Variants in COL5A1 observed in about 807,000 individuals in gnomAD.
The protein encoded by COL5A1 is collagen type V alpha 1 chain.
Under a neutral mutation model 263.7 loss-of-function variants are expected in COL5A1, and 16 were observed. The ratio of observed to expected loss-of-function variants is 0.06; its 90% CI spans 0.04 to 0.09. The LOEUF (loss-of-function observed/expected upper bound fraction) is 0.09, where lower values mean the gene tolerates loss of function less well. Among genes scored for constraint, COL5A1 ranks in the 10% least tolerant of loss-of-function variants. The pLI is 1.00. For missense variants in COL5A1, 2,036 were observed against 2,540.5 expected, an observed-to-expected ratio of 0.80 and a Z score of 4.27; for synonymous variants, 1,012 against 1,004.5, an observed-to-expected ratio of 1.01 and a Z score of -0.14.
At position 134,737,636 on chromosome 9, in the gene COL5A1, A is replaced by G. The variant is rs1434221831; in HGVS notation, c.1390-838A>G. On this transcript the variant is annotated intron_variant, in intron 9 of 65. Coordinates refer to ENST00000371817, the MANE Select transcript of COL5A1 (RefSeq NM_000093.5). Reference sequence around the variant, plus strand: ...CCTGACCCTGGCGTTGCCAGGTCAGAAGTGGAGAGAGGAATCCCGCCCTGG... The same window carrying G: ...CCTGACCCTGGCGTTGCCAGGTCAGGAGTGGAGAGAGGAATCCCGCCCTGG... Among the ~76,000 whole-genome samples, 5 of 152,234 alleles carry G rather than the reference A, an allele frequency of 3.3e-5. No individual in the cohort carries two copies. In the East Asian group the frequency reaches 7.7e-4, roughly 24 times the overall value.
intron 1 of COL5A1, among the ~76,000 whole-genome samples, chr9:134,665,044 C>T (rs540010367): frequency 7.2e-5 from 11 of 152,260 alleles, no homozygotes; most frequent in Admixed American, 2.0e-4. Flanking sequence ...GCTGAAAATA[C>T]AAAAATTAGC....
Position 134,761,927 on chromosome 9 carries a change from T to C in COL5A1, c.1938T>C (p.Gly646=). The C allele has an allele frequency of 6.2e-7, 1 of 1,613,508 alleles. No homozygotes were observed. Residue 646 remains glycine, a splice_region_variant and synonymous_variant, in exon 19 of 66, where the codon GGT becomes GGC. Coordinates refer to ENST00000371817, the MANE Select transcript of COL5A1 (RefSeq NM_000093.5). ...ACGTTGACCCTTTCACTTCCTAGGG[T>C]GACCCTGGTCCTTCCGGCCCACCAG... ...AGLPGEKGHR[G]DPGPSGPPGP... is the part of the protein sequence containing the mutation.
rs775897078 is a variant in COL5A1, at chr9:134,830,062, G to A, written c.5136+18G>A. 1.5e-5 allele frequency: 24 copies of A among 1,613,744 alleles called. No homozygotes were observed. Among genetic ancestry groups the A allele is most frequent in the South Asian group, 4.4e-5 (4 of 90,986 alleles). On this transcript the variant is annotated intron_variant, in intron 64 of 65. Transcript: ENST00000371817. Reference sequence around the variant, plus strand: ...GGAAACTGGTAAGGTGGCCTCTGGCGTCTTTGCGGTTGTCACTTTAAACCC... The same window carrying A: ...GGAAACTGGTAAGGTGGCCTCTGGCATCTTTGCGGTTGTCACTTTAAACCC...
chr9:134,840,756 G>A (rs567272336), intron 65 of COL5A1, among the ~76,000 whole-genome samples: 1 of 152,344 alleles, frequency 6.6e-6, no homozygotes, highest in Admixed American at 6.5e-5. Flanking sequence ...CTGGGCTGCA[G>A]ATAGCAGCTT....
intron 64 of COL5A1, among the ~76,000 whole-genome samples, chr9:134,831,001 C>G (rs1293324127): frequency 6.6e-6 from 1 of 152,210 alleles, no homozygotes; most frequent in Non-Finnish European, 1.5e-5. Flanking sequence ...ATTTATGGCC[C>G]AGATTCTCCT....
chr9:134,729,941 T>C (rs944463359), intron 6 of COL5A1, among the ~76,000 whole-genome samples: 1 of 152,202 alleles, frequency 6.6e-6, no homozygotes, highest in Non-Finnish European at 1.5e-5. Flanking sequence ...GTTTTTTAAA[T>C]ACTGAGATAT....
At chr9:134,662,261 G>A (rs1179344547) in intron 1 of COL5A1, among the ~76,000 whole-genome samples, 1 of 152,022 alleles carries the variant, frequency 6.6e-6, no homozygotes, top group East Asian at 1.9e-4. Context: ...GCACATAACT[G>A]CCCCCAGGCA....
In COL5A1 at chr9:134,647,864, G is replaced by A. The variant is rs1831528404; in HGVS notation, c.109+5568G>A. 6.6e-6 allele frequency among the ~76,000 whole-genome samples: 1 copy of A among 152,244 alleles called. No individual in the cohort carries two copies. Among genetic ancestry groups the A allele is most frequent in the Non-Finnish European group, 1.5e-5 (1 of 68,044 alleles). On this transcript the variant is annotated intron_variant, in intron 1 of 65. Transcript: ENST00000371817. This position sits in a 1 kb window ranked among gnomAD's most constrained non-coding sequence, Gnocchi z 5.0. Reference sequence around the variant, plus strand: ...CGGTTTTAAAGTTTCTGGCCTGGCTGGTGGATGTGCCTCGATCCTGCAGGC... The same window carrying A: ...CGGTTTTAAAGTTTCTGGCCTGGCTAGTGGATGTGCCTCGATCCTGCAGGC...
At chr9:134,840,524 A>G (rs1451762272) in intron 65 of COL5A1, among the ~76,000 whole-genome samples, 1 of 152,184 alleles carries the variant, frequency 6.6e-6, no homozygotes, top group African/African-American at 2.4e-5. Flanking sequence ...GCAGCTTAAA[A>G]CCACAGATGT....
chr9:134,764,339 G>A (rs529198373), intron 20 of COL5A1, among the ~76,000 whole-genome samples: 26 of 136,270 alleles, frequency 1.9e-4, no homozygotes, highest in African/African-American at 5.8e-4. Context: ...CGGCATGGGG[G>A]GTTCAAGGGC....
intron 65 of COL5A1, among the ~76,000 whole-genome samples, chr9:134,836,371 C>T (rs1465194693): frequency 6.6e-6 from 1 of 152,174 alleles, no homozygotes; most frequent in Non-Finnish European, 1.5e-5. Context: ...TCACTCATTA[C>T]CCCGAGGGCA....
intron 53 of COL5A1, 131 bp downstream of exon 53, chr9:134,817,210 G>A: frequency 1.3e-6 from 1 of 794,678 alleles, no homozygotes; most frequent in East Asian, 2.7e-5. Flanking sequence ...GGTGTGGCAT[G>A]TTCTCCACTT....
At chr9:134,731,457 G>C (rs76548907) in intron 7 of COL5A1, 39 bp from the exon 8 acceptor site, 2 of 1,610,648 alleles carry the variant, frequency 1.2e-6, no homozygotes, top group African/African-American at 2.7e-5. Context: ...TGCCTGGTGC[G>C]TTTGCGAGGC....
intron 64 of COL5A1, 25 bp downstream of exon 64, chr9:134,830,069 CG>C (rs775279894): frequency 2.5e-6 from 4 of 1,613,602 alleles, no homozygotes; most frequent in East Asian, 2.2e-5. Flanking sequence ...GGCGTCTTTG[CG>C]GTTGTCACTT....
intron 1 of COL5A1, among the ~76,000 whole-genome samples, chr9:134,648,899 G>A (rs1185934935): frequency 1.3e-5 from 2 of 152,224 alleles, no homozygotes; most frequent in South Asian, 2.1e-4. Flanking sequence ...GCCAAGTTCA[G>A]CCCGCAGAGT....
rs1427411524 is a variant in COL5A1, at chr9:134,814,008, C to T, written c.3878C>T (p.Pro1293Leu). 1 of 1,551,008 alleles carries T rather than the reference C, an allele frequency of 6.4e-7. No individual in the cohort carries two copies. The highest frequency in any genetic ancestry group is 8.7e-7 in the Non-Finnish European group (1 of 1,147,092). Residue 1293 changes from proline to leucine, a missense_variant, in exon 49 of 66, where the codon CCT becomes CTT. Physicochemically the swap from Pro to Leu is moderately conservative, Grantham distance 98. Transcript: ENST00000371817. Reference protein sequence around the residue: ...EKGEPGEAGEPGLPGEGGPPG... With the variant: ...EKGEPGEAGELGLPGEGGPPG... ...GGCGAGCCTGGCGAAGCAGGTGAGCCTGGCCTTCCGGGAGAAGGCGGCCCC... is the reference window on the plus strand; with the variant it reads ...GGCGAGCCTGGCGAAGCAGGTGAGCTTGGCCTTCCGGGAGAAGGCGGCCCC...
chr9:134,813,941 C>T (rs1257001590), intron 48 of COL5A1, 42 bp from the exon 49 acceptor site: 13 of 1,546,574 alleles, frequency 8.4e-6, no homozygotes, highest in African/African-American at 1.4e-5. Flanking sequence ...GCGTTCATCG[C>T]GGTGCTCACC....
At chr9:134,839,117 G>T (rs1214849685) in intron 65 of COL5A1, among the ~76,000 whole-genome samples, 1 of 152,276 alleles carries the variant, frequency 6.6e-6, no homozygotes, top group African/African-American at 2.4e-5. Flanking sequence ...AACGGCCGAA[G>T]AAATTGGAAT....
chr9:134,812,263 T>C (rs1157208145), intron 46 of COL5A1, among the ~76,000 whole-genome samples, 186 bp from the exon 47 acceptor site: 1 of 152,200 alleles, frequency 6.6e-6, no homozygotes, highest in Non-Finnish European at 1.5e-5. Context: ...CTCTGCTTAT[T>C]TCCTCGGGCC....
Sources: gnomAD v4.1 joint callset for allele counts (sites outside exome capture counted in the v4.1 genomes callset) on GRCh38, gnomAD v4.1.1 for gene constraint, Gnocchi (gnomAD v3.1) non-coding constraint, MANE v1.5 for transcripts, NCBI Gene and HGNC (gene_info 2026-07-23, HGNC 2026-07-21) for gene names.